CCN4: variants seen among roughly 807,000 people sequenced by gnomAD.
CCN4 encodes the protein cellular communication network factor 4.
In CCN4, 30 loss-of-function variants were observed where a neutral mutation model predicts 36.7. That is an observed-to-expected ratio of 0.82 (90% CI 0.61 to 1.11). CCN4 has a LOEUF of 1.11. Among genes scored for constraint, CCN4 ranks in the 50% least tolerant of loss-of-function variants. CCN4 has a pLI of 0.00. For missense variants in CCN4, 505 were observed against 504.9 expected, an observed-to-expected ratio of 1.00 and a Z score of 0.00; for synonymous variants, 191 against 195.4, an observed-to-expected ratio of 0.98 and a Z score of 0.19.
At chr8:133,222,808 A>T (rs78932845) in intron 3 of CCN4, among the ~76,000 whole-genome samples, 3,927 of 137,398 alleles carry the variant, frequency 0.029, 157 homozygotes, top group African/African-American at 0.1. Flanking sequence ...TAGTTTTTTT[A>T]AAAAAAATTA....
At chr8:133,217,285 A>G (rs1260167838) in intron 2 of CCN4, among the ~76,000 whole-genome samples, 3 of 152,224 alleles carry the variant, frequency 2.0e-5, no homozygotes, top group African/African-American at 4.8e-5. Context: ...CAGAGCTACA[A>G]CAAGGCATGG....
Position 133,220,744 on chromosome 8 carries a change from G to T in CCN4, c.513G>T (p.Arg171=), listed in dbSNP as rs929291998. 1.2e-6 allele frequency: 2 copies of T among 1,613,536 alleles called. No individual in the cohort carries two copies. Among genetic ancestry groups the T allele is most frequent in the Non-Finnish European group, 1.7e-6 (2 of 1,179,958 alleles). The change falls in exon 3 of 5, where the codon CGG becomes CGT. Residue 171 remains arginine, a synonymous_variant. Transcript: ENST00000250160. ...CGCGTCTCTGGTGCCCCCACCCGCG[G>T]CGCGTGAGCATACCTGGCCACTGCT... The part of the protein sequence containing the change: ...RPPRLWCPHP[R]RVSIPGHCCE...
chr8:133,202,561 G>A (rs574316606), intron 1 of CCN4, among the ~76,000 whole-genome samples: 7 of 152,064 alleles, frequency 4.6e-5, no homozygotes, highest in South Asian at 4.1e-4. Context: ...GACTTTCCCC[G>A]CCTGCATGTT....
chr8:133,193,900 C>T (rs1004270416), intron 1 of CCN4, among the ~76,000 whole-genome samples: 38 of 152,148 alleles, frequency 2.5e-4, no homozygotes, highest in African/African-American at 8.7e-4. Flanking sequence ...ACAGGGGTAA[C>T]GTCAGCCAGA....
intron 1 of CCN4, among the ~76,000 whole-genome samples, chr8:133,198,552 T>C (rs1853470628): frequency 6.6e-6 from 1 of 152,206 alleles, no homozygotes; most frequent in Non-Finnish European, 1.5e-5. Context: ...TGTCAAATAC[T>C]CCTGAGTTCC....
chr8:133,194,337 TGTGTGTGGGGGGGTGGTG>T (rs1853233925), intron 1 of CCN4, among the ~76,000 whole-genome samples: 1 of 71,596 alleles, frequency 1.4e-5, no homozygotes, highest in African/African-American at 5.7e-5. Context: ...GCCTGTGTGG[TGTGTGTGGGGGGGTGGTG>T]GTGTGTGGGG....
chr8:133,211,239 T>A (rs1854016940), intron 1 of CCN4, among the ~76,000 whole-genome samples: 1 of 152,152 alleles, frequency 6.6e-6, no homozygotes, highest in Non-Finnish European at 1.5e-5. Context: ...GCGTAGTAAA[T>A]CCCTCGAGTT....
Position 133,220,598 on chromosome 8 carries a change from T to C in CCN4, c.367T>C (p.Cys123Arg). The C allele has an allele frequency of 6.2e-7, 1 of 1,613,830 alleles. No individual in the cohort carries two copies. The highest frequency in any genetic ancestry group is 8.5e-7 in the Non-Finnish European group (1 of 1,179,746). The change falls in exon 3 of 5, where the codon TGC (cysteine) becomes CGC (arginine). Residue 123 changes from cysteine to arginine, a missense_variant. Cys to Arg is a radical substitution (Grantham distance 180). Coordinates refer to ENST00000250160, the MANE Select transcript of CCN4 (RefSeq NM_003882.4). ...GVCAQVVGVGCVLDGVRYNNG... is the reference protein window; with the variant it reads ...GVCAQVVGVGRVLDGVRYNNG... Reference sequence around the variant, plus strand: ...GTTTGCAGAGGTGGTCGGTGTGGGCTGCGTCCTGGATGGGGTGCGCTACAA... The same window carrying C: ...GTTTGCAGAGGTGGTCGGTGTGGGCCGCGTCCTGGATGGGGTGCGCTACAA...
intron 3 of CCN4, among the ~76,000 whole-genome samples, chr8:133,222,807 TA>T (rs112894423): frequency 1.3e-5 from 2 of 151,322 alleles, no homozygotes; most frequent in East Asian, 4.0e-4. Context: ...GTAGTTTTTT[TA>T]AAAAAAATTA....
In CCN4 at chr8:133,227,834, T is replaced by G; in HGVS notation, c.*124T>G. On this transcript the variant is annotated 3_prime_UTR_variant, in exon 5 of 5. Coordinates refer to ENST00000250160, the MANE Select transcript of CCN4 (RefSeq NM_003882.4). ...GATCTGGACCCTTGGCCTCCATTTC[T>G]GTCTCTAACCATTCAAATGACGCCT... 1 of 1,090,740 alleles carries G rather than the reference T, an allele frequency of 9.2e-7. No homozygotes were observed. Among genetic ancestry groups the G allele is most frequent in the South Asian group, 1.6e-5 (1 of 61,256 alleles). The allele number at this position is 1,090,740 out of a possible 1,614,324, so 67.6% of individuals were successfully genotyped here. A position where few individuals can be genotyped will look rare whatever the true frequency, so the allele number is the denominator to read the frequency against.
intron 1 of CCN4, among the ~76,000 whole-genome samples, chr8:133,210,462 G>T (rs1243957375): frequency 2.0e-5 from 3 of 151,704 alleles, no homozygotes; most frequent in Admixed American, 6.6e-5. Context: ...GCATCCTGTT[G>T]TGTTTTTGAG....
At chr8:133,201,671 A>G (rs1853591134) in intron 1 of CCN4, among the ~76,000 whole-genome samples, 1 of 152,078 alleles carries the variant, frequency 6.6e-6, no homozygotes, top group Non-Finnish European at 1.5e-5. Context: ...GTGAAACCCC[A>G]TCTCTACTAA....
In CCN4 at chr8:133,227,611, A is replaced by G. The variant is rs34665171; in HGVS notation, c.1005A>G (p.Leu335=). 458 of 1,614,066 alleles carry G rather than the reference A, an allele frequency of 2.8e-4. No homozygotes were observed. Among genetic ancestry groups the G allele is most frequent in the Non-Finnish European group, 2.0e-4 (233 of 1,180,030 alleles). The part of the protein sequence containing the change: ...PDGLGFSRQV[L]WINACFCNLS... ...GGCTTGGCTTCTCCCGCCAGGTCCT[A>G]TGGATTAATGCCTGCTTCTGTAACC... is the stretch of plus-strand genomic sequence containing the variant. The change falls in exon 5 of 5, where the codon CTA becomes CTG. Residue 335 remains leucine, a synonymous_variant. Coordinates refer to ENST00000250160, the MANE Select transcript of CCN4 (RefSeq NM_003882.4).
intron 2 of CCN4, among the ~76,000 whole-genome samples, chr8:133,217,559 A>C (rs1300983642): frequency 6.6e-6 from 1 of 152,088 alleles, no homozygotes; most frequent in Non-Finnish European, 1.5e-5. Flanking sequence ...CATGCATCCC[A>C]CTAGCCTGTG....
chr8:133,206,563 A>T (rs1458457123), intron 1 of CCN4, among the ~76,000 whole-genome samples: 1 of 152,196 alleles, frequency 6.6e-6, no homozygotes, highest in Non-Finnish European at 1.5e-5. Flanking sequence ...TAGAGATGTC[A>T]TGCCATCCTG....
Position 133,206,356 on chromosome 8 carries a change from G to T in CCN4, c.70-6508G>T, listed in dbSNP as rs557167104. ...GAAAGGGTGGGGCTGGTGGTACCTG[G>T]GCCCTTGGATGACTCCGCAAGCGGA... On this transcript the variant is annotated intron_variant, in intron 1 of 4. Coordinates refer to ENST00000250160, the MANE Select transcript of CCN4 (RefSeq NM_003882.4). 2.5e-4 allele frequency among the ~76,000 whole-genome samples: 38 copies of T among 152,298 alleles called. No individual in the cohort carries two copies. The East Asian group carries it at 7.3e-3, about 29-fold the overall frequency.
In CCN4 at chr8:133,223,831, T is replaced by G. The variant is rs140460998; in HGVS notation, c.611-1559T>G. On this transcript the variant is annotated intron_variant, in intron 3 of 4. Coordinates refer to ENST00000250160, the MANE Select transcript of CCN4 (RefSeq NM_003882.4). ...CATCTTTCTGTGGGCAGTTCTGTCT[T>G]AACAGCTTTTAACCTGCTTTGGTCT... is the stretch of plus-strand genomic sequence containing the variant. Among the ~76,000 whole-genome samples the G allele has an allele frequency of 2.6e-5, 4 of 152,306 alleles. No individual in the cohort carries two copies. The East Asian group carries it at 7.7e-4, about 29-fold the overall frequency.
chr8:133,207,269 A>G (rs1263776837), intron 1 of CCN4, among the ~76,000 whole-genome samples: 2 of 152,240 alleles, frequency 1.3e-5, no homozygotes, highest in Non-Finnish European at 2.9e-5. Flanking sequence ...CCCGAATGGC[A>G]GCTTAGGCTG....
chr8:133,225,656 C>T, intron 4 of CCN4, 73 bp downstream of exon 4: 3 of 1,396,576 alleles, frequency 2.1e-6, no homozygotes, highest in Non-Finnish European at 2.8e-6. Flanking sequence ...GGCTCCTGAA[C>T]TTCCTCGTGG....
Sources: gnomAD v4.1 joint callset for allele counts (sites outside exome capture counted in the v4.1 genomes callset) on GRCh38, gnomAD v4.1.1 for gene constraint, MANE v1.5 for transcripts, NCBI Gene and HGNC (gene_info 2026-07-23, HGNC 2026-07-21) for gene names.